ARSG: variants seen among roughly 807,000 people sequenced by gnomAD.
ARSG encodes arylsulfatase G.
ARSG carries 37 observed loss-of-function variants against 50.5 expected under a neutral mutation model. The ratio of observed to expected loss-of-function variants is 0.73; its 90% CI spans 0.56 to 0.96. ARSG has a LOEUF of 0.96. ARSG is among the 50% of genes least tolerant of loss of function. ARSG has a pLI of 0.00. For synonymous variants in ARSG, 225 were observed against 254.6 expected, an observed-to-expected ratio of 0.88 and a Z score of 1.11; for missense variants, 629 against 675.3, an observed-to-expected ratio of 0.93 and a Z score of 0.76.
intron 8 of ARSG, among the ~76,000 whole-genome samples, chr17:68,372,026 C>A (rs530224666): frequency 6.6e-6 from 1 of 152,186 alleles, no homozygotes; most frequent in East Asian, 1.9e-4. Flanking sequence ...GGGTGAATTT[C>A]CCCCCACAAT....
rs575925286 is a variant in ARSG at position 68,270,507 on chromosome 17, C to T, written c.-552+11081C>T. 1.4e-3 allele frequency among the ~76,000 whole-genome samples: 207 copies of T among 150,676 alleles called. 1 individual carries two copies. The highest frequency in any genetic ancestry group is 2.6e-3 in the Non-Finnish European group (176 of 67,752). On this transcript the variant is annotated intron_variant, in intron 1 of 11. Transcript: ENST00000448504. ...AGGTGGAGGTTGCAGTGAGCTGAGA[C>T]TGCGCCACTGCACTCCAGCCTGGGT...
intron 11 of ARSG, among the ~76,000 whole-genome samples, chr17:68,408,725 G>C: frequency 6.6e-6 from 1 of 150,792 alleles, no homozygotes; most frequent in Non-Finnish European, 1.5e-5. Context: ...GGTTGAACTA[G>C]TTTACAGTCC....
At chr17:68,337,289 C>G (rs1029756450) in intron 2 of ARSG, among the ~76,000 whole-genome samples, 1 of 152,142 alleles carries the variant, frequency 6.6e-6, no homozygotes, top group Non-Finnish European at 1.5e-5. Flanking sequence ...ACTGGAAATA[C>G]GGATTTGGAG....
chr17:68,307,595 G>T lies in ARSG; in HGVS notation c.102G>T (p.Gln34His), dbSNP rs782364152. The part of the protein sequence containing the change: ...DFCISGKTRG[Q>H]KPNFVIILAD... ...GCATCAGTGGGAAAACAAGAGGACAGAAGCCAAACTTTGTGATTATTTTGG... is the reference window on the plus strand; with the variant it reads ...GCATCAGTGGGAAAACAAGAGGACATAAGCCAAACTTTGTGATTATTTTGG... The change falls in exon 2 of 12, where the codon CAG becomes CAT. Residue 34 changes from glutamine to histidine, a missense_variant. Gln to His is a conservative substitution (Grantham distance 24). Coordinates refer to ENST00000621439, the MANE Select transcript of ARSG (RefSeq NM_001267727.2). 5 of 1,614,118 alleles carry T rather than the reference G, an allele frequency of 3.1e-6. No individual in the cohort carries two copies. The highest frequency in any genetic ancestry group is 4.2e-6 in the Non-Finnish European group (5 of 1,179,968).
At chr17:68,344,683 A>G (rs1156370337) in intron 3 of ARSG, among the ~76,000 whole-genome samples, 2 of 152,208 alleles carry the variant, frequency 1.3e-5, no homozygotes, top group African/African-American at 4.8e-5. Flanking sequence ...TCCAGGAGCC[A>G]AGACAGCCCA....
rs1382961459 is a variant in ARSG, at chr17:68,420,221, C to A, written c.1336C>A (p.Pro446Thr). The change falls in exon 12 of 12, where the codon CCT becomes ACT. Residue 446 changes from proline to threonine, a missense_variant. By Grantham distance (38) the Pro-to-Thr change is conservative (BLOSUM62 -1). Coordinates refer to ENST00000621439, the MANE Select transcript of ARSG (RefSeq NM_001267727.2). The stretch of plus-strand genomic sequence containing the variant: ...CAGGGCGTGTGATGGGAGCACGGGG[C>A]CTGAGCTGCAGCATAAGTTTCCTCT... ...GARACDGSTG[P>T]ELQHKFPLIF... The A allele has an allele frequency of 1.9e-6, 3 of 1,614,040 alleles. No individual in the cohort carries two copies. The highest frequency in any genetic ancestry group is 2.5e-6 in the Non-Finnish European group (3 of 1,180,010).
intron 7 of ARSG, among the ~76,000 whole-genome samples, chr17:68,369,844 G>T (rs2089793574): frequency 6.6e-6 from 1 of 152,096 alleles, no homozygotes; most frequent in African/African-American, 2.4e-5. Context: ...TTACAAAAAG[G>T]CAAGAGAGGA....
chr17:68,260,943 T>C (rs2075063334), intron 1 of ARSG, among the ~76,000 whole-genome samples: 1 of 152,254 alleles, frequency 6.6e-6, no homozygotes, highest in African/African-American at 2.4e-5. Flanking sequence ...TAACCCAGTA[T>C]TGATTTCATC....
At chr17:68,443,134 A>G in the ARSG span, among the ~76,000 whole-genome samples, 1 of 152,104 alleles carries the variant, frequency 6.6e-6, no homozygotes, top group Non-Finnish European at 1.5e-5. Flanking sequence ...TTTTTGAGAC[A>G]GAGTCTCGAT....
chr17:68,395,524 G>T (rs1031631415), intron 10 of ARSG, among the ~76,000 whole-genome samples: 1 of 152,184 alleles, frequency 6.6e-6, no homozygotes, highest in Non-Finnish European at 1.5e-5. Flanking sequence ...GGAGGCAGAG[G>T]TTGCCGCCAG....
the ARSG span, chr17:68,441,209 C>T: frequency 6.6e-6 from 1 of 152,206 alleles, no homozygotes. Context: ...ACTTCGAGCC[C>T]CTGTCTGGCC....
intron 2 of ARSG, among the ~76,000 whole-genome samples, chr17:68,317,033 G>T (rs1035557546): frequency 6.6e-6 from 1 of 152,052 alleles, no homozygotes; most frequent in African/African-American, 2.4e-5. Flanking sequence ...CAGCGCACAC[G>T]ATTCGTTTTT....
chr17:68,303,830 G>T (rs1599636492), intron 1 of ARSG, among the ~76,000 whole-genome samples: 1 of 152,330 alleles, frequency 6.6e-6, no homozygotes, highest in South Asian at 2.1e-4. Context: ...CATTCTTTGA[G>T]TGTCTGGTCT....
chr17:68,439,814 A>G, the ARSG span, among the ~76,000 whole-genome samples: 1 of 152,150 alleles, frequency 6.6e-6, no homozygotes, highest in African/African-American at 2.4e-5. Flanking sequence ...CTACCGTGAT[A>G]TAGAGGTCTT....
chr17:68,277,903 T>C (rs2075575836), intron 1 of ARSG, among the ~76,000 whole-genome samples: 1 of 152,226 alleles, frequency 6.6e-6, no homozygotes, highest in Non-Finnish European at 1.5e-5. Context: ...AGGCTTTTTT[T>C]CTTCAGTGCC....
At chr17:68,394,671 T>A (rs1404022041) in intron 9 of ARSG, among the ~76,000 whole-genome samples, 1 of 152,088 alleles carries the variant, frequency 6.6e-6, no homozygotes, top group Non-Finnish European at 1.5e-5. Flanking sequence ...TTTATGGCAA[T>A]CAGGTTTGGT....
chr17:68,402,757 C>G (rs1778457272), intron 11 of ARSG, among the ~76,000 whole-genome samples: 1 of 152,132 alleles, frequency 6.6e-6, no homozygotes, highest in African/African-American at 2.4e-5. Context: ...GATCTCCTGA[C>G]CTCGTGATCC....
At chr17:68,428,084 G>C in the ARSG span, among the ~76,000 whole-genome samples, 1 of 152,172 alleles carries the variant, frequency 6.6e-6, no homozygotes, top group South Asian at 2.1e-4. Context: ...TTTTTGTAAG[G>C]ATGGGGTTTC....
intron 1 of ARSG, among the ~76,000 whole-genome samples, chr17:68,298,700 A>G (rs558717550): frequency 8.1e-4 from 123 of 151,898 alleles, no homozygotes; most frequent in African/African-American, 2.9e-3. Flanking sequence ...ACAGTTCTGG[A>G]GGCTGGCCAG....
Sources: allele counts gnomAD v4.1 joint callset (sites outside exome capture counted in the v4.1 genomes callset), GRCh38; gene constraint gnomAD v4.1.1; transcripts MANE v1.5; gene names NCBI Gene and HGNC (gene_info 2026-07-23, HGNC 2026-07-21).